The following TMEM9 variants were observed in gnomAD, a reference collection of about 807,000 sequenced individuals.
The protein encoded by TMEM9 is transmembrane protein 9.
In TMEM9, 13 loss-of-function variants were observed where a neutral mutation model predicts 22.8. The ratio of observed to expected loss-of-function variants is 0.57; its 90% CI spans 0.37 to 0.91. TMEM9 has a LOEUF of 0.91. TMEM9 is among the 40% of genes least tolerant of loss of function. TMEM9 has a pLI of 0.01. For synonymous variants in TMEM9, 88 were observed against 93.0 expected (o/e 0.95, Z 0.31); for missense variants, 182 against 238.1 (o/e 0.76, Z 1.55).
chr1:201,165,980 A>G (rs1445241930), intron 1 of TMEM9, among the ~76,000 whole-genome samples: 1 of 152,208 alleles, frequency 6.6e-6, no homozygotes, highest in Non-Finnish European at 1.5e-5. Flanking sequence ...AATATCTCAC[A>G]ATCTTTCTGC....
At chr1:201,170,926 T>C (rs1666195825) in intron 1 of TMEM9, among the ~76,000 whole-genome samples, 1 of 152,188 alleles carries the variant, frequency 6.6e-6, no homozygotes, top group Non-Finnish European at 1.5e-5. Flanking sequence ...TGCAGTCCTC[T>C]GTGGGAGGTG....
At position 201,154,329 on chromosome 1, in the gene TMEM9, AC is replaced by A. The variant is rs1665681222; in HGVS notation, c.-407del. 2 of 177,432 alleles carry A rather than the reference AC, an allele frequency of 1.1e-5. No individual in the cohort carries two copies. The highest frequency in any genetic ancestry group is 2.4e-5 in the Non-Finnish European group (2 of 82,514). 11.0% of individuals were successfully genotyped at this position (177,432 alleles called of 1,614,324 possible). A position where few individuals can be genotyped will look rare whatever the true frequency, so the allele number is the denominator to read the frequency against. ...GGGAACTTTTGGGTGCGAGTCTGGG[AC>A]CCCTGCTCCGACGGCGAAGGCCGGT... On this transcript the variant is annotated 5_prime_UTR_variant, in exon 1 of 5. Coordinates refer to ENST00000367330, the MANE Select transcript of TMEM9 (RefSeq NM_001288565.2).
chr1:201,166,771 A>T (rs1666088813), intron 1 of TMEM9, among the ~76,000 whole-genome samples: 1 of 152,176 alleles, frequency 6.6e-6, no homozygotes, highest in Non-Finnish European at 1.5e-5. Flanking sequence ...ATGGAGGTAT[A>T]ACAGATCTAC....
rs767918659 is a variant in TMEM9, at chr1:201,135,739, C to G, written c.476G>C (p.Gly159Ala). Reference protein sequence around the residue: ...RANTVLERVEGAQQRWKLQVQ... With the variant: ...RANTVLERVEAAQQRWKLQVQ... ...CTGCAGCTTCCACCGCTGCTGGGCA[C>G]CTTCCACACGCTCCAGGACTGTGTT... The change falls in exon 5 of 5, where the codon GGT becomes GCT. Residue 159 changes from glycine (G) to alanine (A), a missense_variant. Transcript: ENST00000367330. 3 of 1,614,010 alleles carry G rather than the reference C, an allele frequency of 1.9e-6. No homozygotes were observed. Among genetic ancestry groups the G allele is most frequent in the Non-Finnish European group, 2.5e-6 (3 of 1,179,942 alleles).
At chr1:201,168,450 G>A (rs752142896) in intron 1 of TMEM9, among the ~76,000 whole-genome samples, 21 of 152,290 alleles carry the variant, frequency 1.4e-4, no homozygotes, top group Non-Finnish European at 2.8e-4. Flanking sequence ...CAGGCATGGT[G>A]GCTCACGCCT....
At chr1:201,143,530 G>A (rs953995686) in intron 4 of TMEM9, among the ~76,000 whole-genome samples, 1 of 152,236 alleles carries the variant, frequency 6.6e-6, no homozygotes, top group Non-Finnish European at 1.5e-5. Context: ...ATCTATGTGT[G>A]ACTGGCTCTG....
intron 1 of TMEM9, among the ~76,000 whole-genome samples, chr1:201,162,796 GA>G (rs972806239): frequency 1.3e-4 from 20 of 151,916 alleles, no homozygotes; most frequent in African/African-American, 4.8e-4. Context: ...AGACGAGAAA[GA>G]AAATATTTGC....
chr1:201,137,716 A>G (rs1309980837), intron 4 of TMEM9, among the ~76,000 whole-genome samples: 1 of 152,224 alleles, frequency 6.6e-6, no homozygotes, highest in Non-Finnish European at 1.5e-5. Flanking sequence ...TAAAGCACTT[A>G]CTATCCTGGC....
At chr1:201,157,188 T>C (rs1171564878), upstream of TMEM9, among the ~76,000 whole-genome samples, 1 of 152,204 alleles carries the variant, frequency 6.6e-6, no homozygotes, top group African/African-American at 2.4e-5. Context: ...ATCTCATCTA[T>C]ACAGGGCATC....
chr1:201,163,682 G>T (rs1666003744), intron 1 of TMEM9, among the ~76,000 whole-genome samples: 1 of 152,034 alleles, frequency 6.6e-6, no homozygotes, highest in South Asian at 2.1e-4. Context: ...GGCTAACTAT[G>T]TATCTATCAG....
intron 1 of TMEM9, among the ~76,000 whole-genome samples, chr1:201,162,147 A>G (rs542767363): frequency 6.6e-6 from 1 of 151,880 alleles, no homozygotes; most frequent in African/African-American, 2.4e-5. Context: ...ACCCAGGCAT[A>G]GATCTAAACA....
At chr1:201,148,033 T>C (rs1055748819) in intron 2 of TMEM9, among the ~76,000 whole-genome samples, 4 of 152,240 alleles carry the variant, frequency 2.6e-5, no homozygotes, top group African/African-American at 9.6e-5. Flanking sequence ...TTATGTCTTA[T>C]ACATCTCCAT....
chr1:201,143,866 T>C lies in TMEM9; in HGVS notation c.353A>G (p.Lys118Arg). Residue 118 changes from lysine (K) to arginine (R), a missense_variant, in exon 4 of 5, where the codon AAG becomes AGG. Physicochemically the swap from Lys to Arg is conservative, Grantham distance 26. Coordinates refer to ENST00000367330, the MANE Select transcript of TMEM9 (RefSeq NM_001288565.2). ...CAGTTGCTCAGTATATGCATCCGGC[T>C]TTCGGATCAGAGGGTCCACCAGCAT... ...FLMLVDPLIRKPDAYTEQLHN... is the reference protein window; with the variant it reads ...FLMLVDPLIRRPDAYTEQLHN... 1 of 1,614,060 alleles carries C rather than the reference T, an allele frequency of 6.2e-7. No individual in the cohort carries two copies. The highest frequency in any genetic ancestry group is 8.5e-7 in the Non-Finnish European group (1 of 1,179,990).
chr1:201,158,449 G>C (rs1205887237), upstream of TMEM9, among the ~76,000 whole-genome samples: 1 of 150,016 alleles, frequency 6.7e-6, no homozygotes, highest in Non-Finnish European at 1.5e-5. Flanking sequence ...TGGGGGCGGG[G>C]GCAGGGGCAG....
intron 1 of TMEM9, chr1:201,153,642 A>G: frequency 1.9e-6 from 2 of 1,028,400 alleles, no homozygotes; most frequent in Non-Finnish European, 2.8e-6. Flanking sequence ...AGAGTGAGCC[A>G]GTGCTCTGTG....
At chr1:201,141,160 G>A (rs1448404389) in intron 4 of TMEM9, among the ~76,000 whole-genome samples, 2 of 152,206 alleles carry the variant, frequency 1.3e-5, no homozygotes, top group East Asian at 1.9e-4. Flanking sequence ...GTCTAGTAAA[G>A]AGGGGCCTCC....
chr1:201,144,964 TGAA>T (rs1664840398), intron 3 of TMEM9: 1 of 152,076 alleles, frequency 6.6e-6, no homozygotes, highest in African/African-American at 2.4e-5. Context: ...ACCTAGACTG[TGAA>T]GAAGAGTGAA....
At chr1:201,150,514 G>C (rs1665338594) in intron 2 of TMEM9, among the ~76,000 whole-genome samples, 2 of 152,154 alleles carry the variant, frequency 1.3e-5, no homozygotes, top group Non-Finnish European at 2.9e-5. Context: ...ACTATTTATA[G>C]ATAAGGAAAT....
intron 4 of TMEM9, among the ~76,000 whole-genome samples, chr1:201,137,639 T>C (rs189103495): frequency 6.6e-6 from 1 of 152,366 alleles, no homozygotes. Context: ...CATGACCTAA[T>C]GGCTTGCTTG....
Sources: allele counts gnomAD v4.1 joint callset (sites outside exome capture counted in the v4.1 genomes callset), GRCh38; gene constraint gnomAD v4.1.1; transcripts MANE v1.5; gene names NCBI Gene and HGNC (gene_info 2026-07-23, HGNC 2026-07-21).